Variants in OSBPL3 observed in about 807,000 individuals in gnomAD.
OSBPL3 encodes the protein oxysterol-binding protein-related protein 3.
OSBPL3 carries 65 observed loss-of-function variants against 120.1 expected under a neutral mutation model. The ratio of observed to expected loss-of-function variants is 0.54; its 90% CI spans 0.44 to 0.67. The LOEUF (loss-of-function observed/expected upper bound fraction) is 0.67. Among genes scored for constraint, OSBPL3 ranks in the 30% least tolerant of loss-of-function variants. The probability of loss-of-function intolerance (pLI) is 0.00; values close to 1 mark genes in which losing one functional copy is unlikely to be tolerated. For synonymous variants in OSBPL3, 416 were observed against 402.6 expected, an observed-to-expected ratio of 1.03 and a Z score of -0.40; for missense variants, 1,004 against 1,082.1, an observed-to-expected ratio of 0.93 and a Z score of 1.01.
intron 19 of OSBPL3, among the ~76,000 whole-genome samples, chr7:24,811,318 G>A (rs1439677632): frequency 6.6e-6 from 1 of 152,060 alleles, no homozygotes; most frequent in Admixed American, 6.5e-5. Context: ...CCACTTGTAT[G>A]TCTTCTTTTG....
chr7:24,844,535 T>C (rs1007896526), intron 12 of OSBPL3, among the ~76,000 whole-genome samples: 14 of 152,192 alleles, frequency 9.2e-5, no homozygotes, highest in Admixed American at 2.6e-4. Flanking sequence ...GGAACATTCA[T>C]AGCTCACACT....
rs984360705 is a variant in OSBPL3 at position 24,959,562 on chromosome 7, G to A, written c.-150+20324C>T. 1.1e-4 allele frequency among the ~76,000 whole-genome samples: 16 copies of A among 152,134 alleles called. No homozygotes were observed. Among genetic ancestry groups the A allele is most frequent in the African/African-American group, 2.2e-4 (9 of 41,434 alleles). ...CATTGCGGGTAGGGATAGCGACTTC[G>A]GAAGAGCTGGTAATCACCTGTTTCT... On this transcript the variant is annotated intron_variant, in intron 1 of 22. Transcript: ENST00000313367. This position sits in a 1 kb window ranked among gnomAD's most constrained non-coding sequence, Gnocchi z 4.3.
intron 10 of OSBPL3, among the ~76,000 whole-genome samples, chr7:24,858,585 A>C (rs137914466): frequency 7.2e-4 from 110 of 152,322 alleles, no homozygotes; most frequent in African/African-American, 2.3e-3. Context: ...CTCCCTGTGG[A>C]ATTTGTTGTC....
At chr7:24,941,294 C>T (rs1813080871) in intron 1 of OSBPL3, among the ~76,000 whole-genome samples, 1 of 152,148 alleles carries the variant, frequency 6.6e-6, no homozygotes. Flanking sequence ...TTTAGAAAAA[C>T]CCTGGAGGAA....
At chr7:24,925,026 G>T (rs192818728) in intron 1 of OSBPL3, among the ~76,000 whole-genome samples, 1 of 152,144 alleles carries the variant, frequency 6.6e-6, no homozygotes, top group African/African-American at 2.4e-5. Flanking sequence ...TCTGCTCTTT[G>T]TAAGAGCCAG....
chr7:24,799,473 TTTCTC>T lies in OSBPL3; in HGVS notation c.*705_*709del, dbSNP rs377761532. 3 of 152,210 alleles carry T rather than the reference TTTCTC, an allele frequency of 2.0e-5. No homozygotes were observed. Among genetic ancestry groups the T allele is most frequent in the African/African-American group, 4.8e-5 (2 of 41,446 alleles). The allele number at this position is 152,210 out of a possible 1,614,324, so 9.4% of individuals were successfully genotyped here. A position where few individuals can be genotyped will look rare whatever the true frequency, so the allele number is the denominator to read the frequency against. On this transcript the variant is annotated 3_prime_UTR_variant, in exon 23 of 23. Transcript: ENST00000313367. The surrounding 1 kb of genome is among the most constrained non-coding windows in gnomAD (Gnocchi z 5.3). ...GTGATATTTAATTAATTGGAATTCTTTTCTCTTATGAATAATTTCTCTGAGCAACA... is the reference window on the plus strand; with the variant it reads ...GTGATATTTAATTAATTGGAATTCTTTTATGAATAATTTCTCTGAGCAACA...
intron 19 of OSBPL3, among the ~76,000 whole-genome samples, chr7:24,812,447 T>C (rs9801082): frequency 6.6e-6 from 1 of 151,906 alleles, no homozygotes; most frequent in Non-Finnish European, 1.5e-5. Flanking sequence ...TCAGTTCAGC[T>C]CAGCTCAGGC....
chr7:24,814,667 C>T (rs1376678443), intron 19 of OSBPL3, among the ~76,000 whole-genome samples: 7 of 152,150 alleles, frequency 4.6e-5, no homozygotes, highest in Non-Finnish European at 7.4e-5. Context: ...CAGCCCCGGG[C>T]GACCACCATT....
rs1455126835 is a variant in OSBPL3, at chr7:24,802,599, G to T, written c.2567+1716C>A. On this transcript the variant is annotated intron_variant, in intron 22 of 22. Transcript: ENST00000313367. The surrounding 1 kb of genome is among the most constrained non-coding windows in gnomAD (Gnocchi z 4.1). ...TTTCCAGCAGAGCTCCACAGGCTTC[G>T]TAAGGTCATCCTTAATGCCTCATGT... Among the ~76,000 whole-genome samples, 2 of 152,250 alleles carry T rather than the reference G, an allele frequency of 1.3e-5. No individual in the cohort carries two copies. Among genetic ancestry groups the T allele is most frequent in the South Asian group, 4.2e-4 (2 of 4,818 alleles).
At position 24,877,738 on chromosome 7, in the gene OSBPL3, T is replaced by C. The variant is rs765060467; in HGVS notation, c.97-5669A>G. On this transcript the variant is annotated intron_variant, in intron 2 of 22. Transcript: ENST00000313367. This position sits in a 1 kb window ranked among gnomAD's most constrained non-coding sequence, Gnocchi z 4.8. ...AAACAAGAGGGATGTTGGTTTCTCTTGGCTAAAGGAACCAGGACTTAGGAG... is the reference window on the plus strand; with the variant it reads ...AAACAAGAGGGATGTTGGTTTCTCTCGGCTAAAGGAACCAGGACTTAGGAG... Among the ~76,000 whole-genome samples, 13 of 152,158 alleles carry C rather than the reference T, an allele frequency of 8.5e-5. No homozygotes were observed. Among genetic ancestry groups the C allele is most frequent in the Non-Finnish European group, 1.6e-4 (11 of 68,018 alleles).
chr7:24,951,272 A>T (rs1447225338), intron 1 of OSBPL3, among the ~76,000 whole-genome samples: 2 of 152,194 alleles, frequency 1.3e-5, no homozygotes, highest in African/African-American at 4.8e-5. Flanking sequence ...GGTTTTTTCA[A>T]ATTTCTTAAA....
At chr7:24,810,010 A>G (rs1793575811) in intron 19 of OSBPL3, 59 bp from the exon 20 acceptor site, 1 of 1,584,340 alleles carries the variant, frequency 6.3e-7, no homozygotes, top group Non-Finnish European at 8.6e-7. Context: ...ACAGATATTA[A>G]GGAAAGAAAA....
Position 24,965,458 on chromosome 7 carries a change from A to T in OSBPL3, c.-150+14428T>A, listed in dbSNP as rs1816261686. 6.6e-6 allele frequency among the ~76,000 whole-genome samples: 1 copy of T among 152,174 alleles called. No homozygotes were observed. The highest frequency in any genetic ancestry group is 1.5e-5 in the Non-Finnish European group (1 of 68,028). On this transcript the variant is annotated intron_variant, in intron 1 of 22. Coordinates refer to ENST00000313367, the MANE Select transcript of OSBPL3 (RefSeq NM_015550.4). This position sits in a 1 kb window ranked among gnomAD's most constrained non-coding sequence, Gnocchi z 4.3. Reference sequence around the variant, plus strand: ...TTTACAAATGTGGAAGTGTTATATAAAATAAGGGGGTTATGACAATCTAAT... The same window carrying T: ...TTTACAAATGTGGAAGTGTTATATATAATAAGGGGGTTATGACAATCTAAT...
intron 12 of OSBPL3, among the ~76,000 whole-genome samples, chr7:24,848,094 G>A (rs750664112): frequency 2.0e-5 from 3 of 152,184 alleles, no homozygotes; most frequent in Non-Finnish European, 2.9e-5. Context: ...AAATGGGTTC[G>A]GTGCCCGGAG....
chr7:24,977,944 A>G (rs1817772150), intron 1 of OSBPL3, among the ~76,000 whole-genome samples: 1 of 152,282 alleles, frequency 6.6e-6, no homozygotes, highest in Admixed American at 6.5e-5. Context: ...TACTGAAAAT[A>G]TATCTCAATA....
Position 24,937,374 on chromosome 7 carries a change from A to C in OSBPL3, c.-150+42512T>G, listed in dbSNP as rs1812551588. 6.6e-6 allele frequency among the ~76,000 whole-genome samples: 1 copy of C among 152,134 alleles called. No homozygotes were observed. The highest frequency in any genetic ancestry group is 2.1e-4 in the South Asian group (1 of 4,830). ...ACCATATCAGTAAATTTTTATTTCA[A>C]TTGTTTAACTATTATGAATGGGCTC... is the stretch of plus-strand genomic sequence containing the variant. On this transcript the variant is annotated intron_variant, in intron 1 of 22. Coordinates refer to ENST00000313367, the MANE Select transcript of OSBPL3 (RefSeq NM_015550.4). This position sits in a 1 kb window ranked among gnomAD's most constrained non-coding sequence, Gnocchi z 4.0.
At position 24,835,200 on chromosome 7, in the gene OSBPL3, A is replaced by G. The variant is rs1390105474; in HGVS notation, c.1496-464T>C. Among the ~76,000 whole-genome samples, 2 of 152,070 alleles carry G rather than the reference A, an allele frequency of 1.3e-5. No individual in the cohort carries two copies. The highest frequency in any genetic ancestry group is 4.8e-5 in the African/African-American group (2 of 41,384). ...GCCATTTATATATTAGAGTATCTTC[A>G]TTTCGTGTTTTCTCCATTTGTGTTG... is the stretch of plus-strand genomic sequence containing the variant. On this transcript the variant is annotated intron_variant, in intron 14 of 22. Coordinates refer to ENST00000313367, the MANE Select transcript of OSBPL3 (RefSeq NM_015550.4). The surrounding 1 kb of genome is among the most constrained non-coding windows in gnomAD (Gnocchi z 4.8).
At chr7:24,928,392 C>T (rs1275443163) in intron 1 of OSBPL3, among the ~76,000 whole-genome samples, 2 of 151,982 alleles carry the variant, frequency 1.3e-5, no homozygotes, top group Non-Finnish European at 2.9e-5. Context: ...GGGGTTTCAC[C>T]GTGTTAGCCA....
Position 24,797,014 on chromosome 7 carries a change from A to G in OSBPL3, c.*3169T>C, listed in dbSNP as rs1418415053. On this transcript the variant is annotated 3_prime_UTR_variant, in exon 23 of 23. Coordinates refer to ENST00000313367, the MANE Select transcript of OSBPL3 (RefSeq NM_015550.4). The surrounding 1 kb of genome is among the most constrained non-coding windows in gnomAD (Gnocchi z 4.8). Reference sequence around the variant, plus strand: ...TTGGAACTATTATTCCTAAGACCATAAGGACACCTTCTTATTGCTTCTACT... The same window carrying G: ...TTGGAACTATTATTCCTAAGACCATGAGGACACCTTCTTATTGCTTCTACT... 6.6e-6 allele frequency: 1 copy of G among 152,242 alleles called. No homozygotes were observed. Among genetic ancestry groups the G allele is most frequent in the Non-Finnish European group, 1.5e-5 (1 of 68,038 alleles). The allele number at this position is 152,242 out of a possible 1,614,324, so 9.4% of individuals were successfully genotyped here. A position where few individuals can be genotyped will look rare whatever the true frequency, so the allele number is the denominator to read the frequency against.
Sources: gnomAD v4.1 joint callset for allele counts (sites outside exome capture counted in the v4.1 genomes callset) on GRCh38, gnomAD v4.1.1 for gene constraint, Gnocchi (gnomAD v3.1) non-coding constraint, MANE v1.5 for transcripts, NCBI Gene and HGNC (gene_info 2026-07-23, HGNC 2026-07-21) for gene names.